The following RFT1 variants were observed in gnomAD, a reference collection of about 807,000 sequenced individuals.
The protein encoded by RFT1 is RFT1 glycolipid translocator homolog, also known as man(5)GlcNAc(2)-PP-dolichol translocation protein RFT1.
In RFT1, 43 loss-of-function variants were observed where a neutral mutation model predicts 62.2. The ratio of observed to expected loss-of-function variants is 0.69; its 90% CI spans 0.54 to 0.89. The LOEUF (loss-of-function observed/expected upper bound fraction) is 0.89. RFT1 is among the 40% of genes least tolerant of loss of function. The pLI is 0.00. For missense variants in RFT1, 605 were observed against 649.9 expected (o/e 0.93, Z 0.75); for synonymous variants, 262 against 264.6 (o/e 0.99, Z 0.10).
chr3:53,079,319 C>T, the RFT1 span, among the ~76,000 whole-genome samples: 1 of 152,226 alleles, frequency 6.6e-6, no homozygotes, highest in East Asian at 1.9e-4. Flanking sequence ...CATGGCCTCA[C>T]ACCTTCCCCA....
chr3:53,117,867 A>C (rs1559594801), intron 6 of RFT1, among the ~76,000 whole-genome samples: 1 of 152,114 alleles, frequency 6.6e-6, no homozygotes, highest in Admixed American at 6.5e-5. Context: ...CTAAGCTTAG[A>C]GTTCTGAGCC....
the RFT1 span, among the ~76,000 whole-genome samples, chr3:53,073,756 G>C: frequency 1.3e-5 from 2 of 152,204 alleles, no homozygotes; most frequent in Non-Finnish European, 2.9e-5. Context: ...CCTCTGGAGA[G>C]CAGAGGCCCC....
chr3:53,067,703 G>A, the RFT1 span, among the ~76,000 whole-genome samples: 1 of 152,224 alleles, frequency 6.6e-6, no homozygotes, highest in African/African-American at 2.4e-5. Context: ...AGTCTCTTGG[G>A]AGGGAGCAGC....
chr3:53,121,112 C>T (rs750725425), intron 5 of RFT1, among the ~76,000 whole-genome samples: 10 of 152,196 alleles, frequency 6.6e-5, no homozygotes, highest in Non-Finnish European at 1.5e-4. Context: ...AAAAATAGCA[C>T]TTGTACTCTA....
At chr3:53,087,392 CCA>C (rs2107055515), downstream of RFT1, among the ~76,000 whole-genome samples, 1 of 152,318 alleles carries the variant, frequency 6.6e-6, no homozygotes, top group South Asian at 2.1e-4. Context: ...ATCCCAGAGG[CCA>C]CACAGCAACA....
intron 9 of RFT1, 115 bp from the exon 10 acceptor site, chr3:53,104,212 T>C: frequency 9.6e-7 from 1 of 1,039,350 alleles, no homozygotes; most frequent in East Asian, 2.5e-5. Flanking sequence ...TCCAACAGCG[T>C]GATGGATATC....
At chr3:53,104,150 C>A in intron 9 of RFT1, 53 bp from the exon 10 acceptor site, 1 of 1,585,434 alleles carries the variant, frequency 6.3e-7, no homozygotes. Context: ...CTGAAGAAAA[C>A]CTTCATCCTT....
intron 3 of RFT1, among the ~76,000 whole-genome samples, chr3:53,122,876 C>T (rs1702009962): frequency 1.3e-5 from 2 of 152,198 alleles, no homozygotes; most frequent in East Asian, 3.8e-4. Flanking sequence ...AAAGCCTAAA[C>T]TTCTATCCAC....
intron 2 of RFT1, among the ~76,000 whole-genome samples, chr3:53,125,173 G>C (rs1489366052): frequency 6.6e-6 from 1 of 152,154 alleles, no homozygotes; most frequent in Non-Finnish European, 1.5e-5. Context: ...TCTGAGACCA[G>C]AGCCAAGAGT....
intron 3 of RFT1, among the ~76,000 whole-genome samples, chr3:53,123,387 G>C (rs756628387): frequency 1.3e-5 from 2 of 152,172 alleles, no homozygotes; most frequent in Non-Finnish European, 2.9e-5. Flanking sequence ...AAAAAGATTA[G>C]GAATAAAAAA....
chr3:53,098,801 CAAAA>C (rs35371104), intron 11 of RFT1, among the ~76,000 whole-genome samples: 1 of 57,638 alleles, frequency 1.7e-5, no homozygotes, highest in Non-Finnish European at 2.8e-5. Flanking sequence ...GACTCCATCT[CAAAA>C]AAAAAAAAAA....
downstream of RFT1, among the ~76,000 whole-genome samples, chr3:53,084,239 A>C (rs2107047842): frequency 6.6e-6 from 1 of 152,326 alleles, no homozygotes; most frequent in Non-Finnish European, 1.5e-5. Context: ...TTCTCCTGGG[A>C]ACAGTGGTGG....
intron 6 of RFT1, among the ~76,000 whole-genome samples, chr3:53,114,829 C>T (rs1701749328): frequency 6.6e-6 from 1 of 152,152 alleles, no homozygotes; most frequent in Non-Finnish European, 1.5e-5. Context: ...AGAGGCTCAT[C>T]ACACTTTCAC....
intron 6 of RFT1, among the ~76,000 whole-genome samples, chr3:53,118,364 C>T (rs1387264866): frequency 6.6e-6 from 1 of 152,096 alleles, no homozygotes; most frequent in Non-Finnish European, 1.5e-5. Context: ...GAGTCCTAAC[C>T]ATCTAAGCCT....
chr3:53,084,807 G>A (rs1378549993), downstream of RFT1, among the ~76,000 whole-genome samples: 1 of 152,190 alleles, frequency 6.6e-6, no homozygotes, highest in Non-Finnish European at 1.5e-5. Flanking sequence ...TTTATTGGAG[G>A]GAGAGAAGAA....
At chr3:53,126,378 T>C (rs935663192) in intron 1 of RFT1, among the ~76,000 whole-genome samples, 1 of 152,224 alleles carries the variant, frequency 6.6e-6, no homozygotes. Flanking sequence ...CCAGCCTGTT[T>C]AGAAATAGCA....
At chr3:53,111,967 A>G (rs1484049497) in intron 6 of RFT1, 59 bp from the exon 7 acceptor site, 3 of 1,356,444 alleles carry the variant, frequency 2.2e-6, no homozygotes, top group Non-Finnish European at 3.1e-6. Flanking sequence ...CTAAGAATGC[A>G]ATGCTACATG....
At chr3:53,067,572 C>G in the RFT1 span, among the ~76,000 whole-genome samples, 2 of 152,108 alleles carry the variant, frequency 1.3e-5, no homozygotes, top group Non-Finnish European at 2.9e-5. Flanking sequence ...CACGGTTACA[C>G]AGGTGTGCAC....
rs201125672 is a variant in RFT1, at chr3:53,092,322, C to T, written c.1458+47G>A. ...AGAGGAGGCCTAGCGGGAGAGACAG[C>T]GGGGCAGCTGCAGAAGCATGTGGCA... On this transcript the variant is annotated intron_variant, in intron 12 of 12. Coordinates refer to ENST00000296292, the MANE Select transcript of RFT1 (RefSeq NM_052859.4). 6.6e-5 allele frequency: 104 copies of T among 1,574,512 alleles called. 1 individual carries two copies. Among genetic ancestry groups the T allele is most frequent in the Non-Finnish European group, 7.4e-5 (86 of 1,160,464 alleles).
Sources: allele counts gnomAD v4.1 joint callset (sites outside exome capture counted in the v4.1 genomes callset), GRCh38; gene constraint gnomAD v4.1.1; transcripts MANE v1.5; gene names NCBI Gene and HGNC (gene_info 2026-07-23, HGNC 2026-07-21).